SCN1B: variants seen among roughly 807,000 people sequenced by gnomAD.
SCN1B encodes sodium voltage-gated channel beta subunit 1.
In SCN1B, 11 loss-of-function variants were observed where a neutral mutation model predicts 25.7. The observed-to-expected ratio is 0.43, with a 90% CI of 0.27 to 0.71. The LOEUF is 0.71. Ranked by LOEUF, SCN1B falls within the 30% of genes least tolerant of loss-of-function variation. SCN1B has a pLI of 0.21. For synonymous variants in SCN1B, 119 were observed against 117.5 expected, an observed-to-expected ratio of 1.01 and a Z score of -0.08; for missense variants, 224 against 291.5, an observed-to-expected ratio of 0.77 and a Z score of 1.69.
rs72550250 is a variant in SCN1B, at chr19:35,030,556, G to A, written c.-265G>A. The A allele has an allele frequency of 6.5e-3, 966 of 149,660 alleles. 10 individuals carry two copies. Among genetic ancestry groups the A allele is most frequent in the African/African-American group, 0.022 (886 of 41,062 alleles). The allele number at this position is 149,660 out of a possible 1,614,324, so 9.3% of individuals were successfully genotyped here. On this transcript the variant is annotated 5_prime_UTR_variant, in exon 1 of 6. Transcript: ENST00000262631. ...GTGCACCTAGCGGATGTGCCCGGCT[G>A]CGCGCGCCAGCGCAGCAGCCCGAGC...
chr19:35,037,319 G>A (rs1329855446), intron 3 of SCN1B: 2 of 152,198 alleles, frequency 1.3e-5, no homozygotes. Flanking sequence ...CAACGGGAGT[G>A]GAAAATGCCT....
In SCN1B at chr19:35,030,852, C is replaced by T. The variant is rs2064208694; in HGVS notation, c.32C>T (p.Ala11Val). MGRLLALVVG[A>V]ALVSSACGGC... ...AGGCTGCTGGCCTTAGTGGTCGGCG[C>T]GGCACTGGGTGAGTGCGCGGGGGGC... Residue 11 changes from alanine (A) to valine (V), a missense_variant, in exon 1 of 6, where the codon GCG becomes GTG. Physicochemically the swap from Ala to Val is moderately conservative, Grantham distance 64. This residue lies in a region of SCN1B where 46 missense variants were observed against 35.8 expected (regional missense o/e 1.29). Coordinates refer to ENST00000262631, the MANE Select transcript of SCN1B (RefSeq NM_001037.5). 4.2e-6 allele frequency: 4 copies of T among 946,386 alleles called. No homozygotes were observed. Among genetic ancestry groups the T allele is most frequent in the Non-Finnish European group, 5.3e-6 (4 of 758,766 alleles). The allele number at this position is 946,386 out of a possible 1,614,324, so 58.6% of individuals were successfully genotyped here.
intron 3 of SCN1B, chr19:35,038,772 A>G (rs2064263545): frequency 2.6e-6 from 1 of 381,130 alleles, no homozygotes; most frequent in Admixed American, 3.9e-5. Flanking sequence ...TTTACAATTG[A>G]AGAAACAGAG....
chr19:35,039,366 G>T lies in SCN1B; in HGVS notation c.590+108G>T, dbSNP rs188373901. ...AGGAGGCAGCGGAGCGGCCCAGGGCGCCATCTCTCAGTACTACCCAGAGGG... is the reference window on the plus strand; with the variant it reads ...AGGAGGCAGCGGAGCGGCCCAGGGCTCCATCTCTCAGTACTACCCAGAGGG... On this transcript the variant is annotated intron_variant, in intron 4 of 5. Coordinates refer to ENST00000262631, the MANE Select transcript of SCN1B (RefSeq NM_001037.5). 104 of 1,497,604 alleles carry T rather than the reference G, an allele frequency of 6.9e-5. No homozygotes were observed. In the East Asian group the frequency reaches 2.2e-3, roughly 31 times the overall value. The allele number at this position is 1,497,604 out of a possible 1,614,324, so 92.8% of individuals were successfully genotyped here. A position where few individuals can be genotyped will look rare whatever the true frequency, so the allele number is the denominator to read the frequency against.
chr19:35,034,191 C>G (rs898068226), intron 3 of SCN1B: 2 of 1,537,492 alleles, frequency 1.3e-6, no homozygotes, highest in African/African-American at 2.7e-5. Context: ...GCGAGGGTGG[C>G]GGTTCTTACT....
At chr19:35,035,284 T>A (rs1293517270) in intron 3 of SCN1B, 3 of 152,064 alleles carry the variant, frequency 2.0e-5, no homozygotes, top group East Asian at 1.9e-4. Context: ...TTTTTTTTTT[T>A]TAAATTTAGA....
Position 35,039,210 on chromosome 19 carries a change from G to A in SCN1B, c.542G>A (p.Cys181Tyr), listed in dbSNP as rs1173931729. 6.2e-7 allele frequency: 1 copy of A among 1,614,022 alleles called. No homozygotes were observed. ...TGGCTCGTGGCAGAGATGATTTACT[G>A]CTACAAGAAGATCGCTGCCGCCACG... ...TIWLVAEMIY[C>Y]YKKIAAATET... Residue 181 changes from cysteine (C) to tyrosine (Y), a missense_variant, in exon 4 of 6, where the codon TGC becomes TAC. Cys to Tyr is a radical substitution (Grantham distance 194). Coordinates refer to ENST00000262631, the MANE Select transcript of SCN1B (RefSeq NM_001037.5).
At chr19:35,039,367 C>A in intron 4 of SCN1B, 109 bp downstream of exon 4, 1 of 1,495,306 alleles carries the variant, frequency 6.7e-7, no homozygotes, top group Non-Finnish European at 9.2e-7. Context: ...GCCCAGGGCG[C>A]CATCTCTCAG....
At chr19:35,034,147 A>G in intron 3 of SCN1B, 1 of 1,550,586 alleles carries the variant, frequency 6.4e-7, no homozygotes, top group African/African-American at 1.4e-5. Flanking sequence ...CTGCAGGCAC[A>G]CGCCTGGCTT....
At position 35,030,718 on chromosome 19, in the gene SCN1B, C is replaced by A; in HGVS notation, c.-103C>A. ...CCCAGAGCCGCAGCTGCTGCGCCCGCGCGCTCCCGGGGACATTCTAACCGC... is the reference window on the plus strand; with the variant it reads ...CCCAGAGCCGCAGCTGCTGCGCCCGAGCGCTCCCGGGGACATTCTAACCGC... On this transcript the variant is annotated 5_prime_UTR_variant, in exon 1 of 6. Transcript: ENST00000262631. The A allele has an allele frequency of 3.3e-6, 1 of 299,364 alleles. No individual in the cohort carries two copies. The allele number at this position is 299,364 out of a possible 1,614,324, so 18.5% of individuals were successfully genotyped here.
In SCN1B at chr19:35,039,258, C is replaced by CT; in HGVS notation, c.590_590+1insT (p.Ser198LeufsTer9). On this transcript the variant is annotated frameshift_variant and splice_region_variant. Coordinates refer to ENST00000262631, the MANE Select transcript of SCN1B (RefSeq NM_001037.5). LOFTEE classifies it high-confidence loss of function. ...ACGGAGACTGCTGCACAGGAGAATG[C>CT]GTGAGTAGGGTGGCTGGGAGGTGGG... is the stretch of plus-strand genomic sequence containing the variant. 6.2e-7 allele frequency: 1 copy of CT among 1,612,736 alleles called. No homozygotes were observed. The highest frequency in any genetic ancestry group is 8.5e-7 in the Non-Finnish European group (1 of 1,180,002).
chr19:35,034,071 C>G (rs760255530), intron 3 of SCN1B: 21 of 1,551,454 alleles, frequency 1.4e-5, no homozygotes, highest in Non-Finnish European at 1.8e-5. Flanking sequence ...GGATAATAAT[C>G]CGATGTGTTT....
At chr19:35,039,380 C>T in intron 4 of SCN1B, 122 bp downstream of exon 4, 2 of 1,376,790 alleles carry the variant, frequency 1.5e-6, no homozygotes, top group Non-Finnish European at 2.0e-6. Flanking sequence ...TCTCTCAGTA[C>T]TACCCAGAGG....
At position 35,032,765 on chromosome 19, in the gene SCN1B, A is replaced by C. The variant is rs2064222816; in HGVS notation, c.207+71A>C. 37 of 1,525,628 alleles carry C rather than the reference A, an allele frequency of 2.4e-5. No individual in the cohort carries two copies. Among genetic ancestry groups the C allele is most frequent in the Non-Finnish European group, 3.0e-5 (33 of 1,107,294 alleles). The allele number at this position is 1,525,628 out of a possible 1,614,324, so 94.5% of individuals were successfully genotyped here. A position where few individuals can be genotyped will look rare whatever the true frequency, so the allele number is the denominator to read the frequency against. ...GTGGGAGGCGGTGGGGCTGGATCTC[A>C]GGGAGGGGGCTTATTTGTTTAATAA... On this transcript the variant is annotated intron_variant, in intron 2 of 5. Coordinates refer to ENST00000262631, the MANE Select transcript of SCN1B (RefSeq NM_001037.5). The surrounding 1 kb of genome is among the most constrained non-coding windows in gnomAD (Gnocchi z 4.3).
At chr19:35,039,288 C>T (rs2064268757) in intron 4 of SCN1B, 30 bp downstream of exon 4, 1 of 1,607,724 alleles carries the variant, frequency 6.2e-7, no homozygotes, top group Non-Finnish European at 8.5e-7. Flanking sequence ...GGTGGGAGGG[C>T]ACCCAGGGCA....
chr19:35,039,865 G>T lies in SCN1B; in HGVS notation c.*74G>T. 1 of 745,522 alleles carries T rather than the reference G, an allele frequency of 1.3e-6. No individual in the cohort carries two copies. The highest frequency in any genetic ancestry group is 2.2e-6 in the Non-Finnish European group (1 of 452,094). The allele number at this position is 745,522 out of a possible 1,614,324, so 46.2% of individuals were successfully genotyped here. On this transcript the variant is annotated 3_prime_UTR_variant, in exon 6 of 6. Transcript: ENST00000262631. Reference sequence around the variant, plus strand: ...TCTCCAGGCACCGCCTGCCCCCAGCGTGGGGGTGGCCACTCCTGGGCCCCA... The same window carrying T: ...TCTCCAGGCACCGCCTGCCCCCAGCTTGGGGGTGGCCACTCCTGGGCCCCA...
chr19:35,030,893 G>T (rs1003906744), intron 1 of SCN1B, 33 bp downstream of exon 1: 8 of 459,150 alleles, frequency 1.7e-5, no homozygotes, highest in Non-Finnish European at 2.1e-5. Flanking sequence ...CGGCCGGGGG[G>T]CACCGCGGGG....
Position 35,032,571 on chromosome 19 carries a change from C to G in SCN1B, c.84C>G (p.Thr28=). Residue 28 remains threonine, a synonymous_variant, in exon 2 of 6, where the codon ACC becomes ACG. Coordinates refer to ENST00000262631, the MANE Select transcript of SCN1B (RefSeq NM_001037.5). The surrounding 1 kb of genome is among the most constrained non-coding windows in gnomAD (Gnocchi z 4.3). ...GCTGCGTGGAGGTGGACTCGGAGAC[C>G]GAGGCCGTGTATGGGATGACCTTCA... ...CGGCVEVDSE[T]EAVYGMTFKI... is the part of the protein sequence containing the mutation. 1.2e-6 allele frequency: 2 copies of G among 1,614,030 alleles called. No homozygotes were observed. Among genetic ancestry groups the G allele is most frequent in the South Asian group, 1.1e-5 (1 of 91,078 alleles).
At chr19:35,033,436 C>T in intron 2 of SCN1B, 63 bp from the exon 3 acceptor site, 1 of 1,609,308 alleles carries the variant, frequency 6.2e-7, no homozygotes, top group African/African-American at 1.3e-5. Context: ...GGGACAGAAT[C>T]AGGGTCAGGT....
Sources: gnomAD v4.1 joint callset for allele counts on GRCh38, gnomAD v4.1.1 for gene constraint, gnomAD v4.1.1 regional missense constraint, Gnocchi (gnomAD v3.1) non-coding constraint, MANE v1.5 for transcripts, NCBI Gene and HGNC (gene_info 2026-07-23, HGNC 2026-07-21) for gene names.